ARHGEF10L: variants seen among roughly 807,000 people sequenced by gnomAD.
The protein encoded by ARHGEF10L is rho guanine nucleotide exchange factor 10-like protein.
A neutral mutation model predicts 141.2 loss-of-function variants in ARHGEF10L; 69 were observed. The ratio of observed to expected loss-of-function variants is 0.49; its 90% CI spans 0.40 to 0.60. The LOEUF is 0.60. ARHGEF10L is among the 20% of genes least tolerant of loss of function. The pLI is 0.00. For synonymous variants in ARHGEF10L, 711 were observed against 718.5 expected (o/e 0.99, Z 0.17); for missense variants, 1,482 against 1,734.3 (o/e 0.85, Z 2.58).
In ARHGEF10L at chr1:17,624,451, C is replaced by T. The variant is rs894243618; in HGVS notation, c.1265C>T (p.Ser422Phe). Residue 422 changes from serine (S) to phenylalanine (F), a missense_variant, in exon 13 of 29, where the codon TCC becomes TTC. Coordinates refer to ENST00000361221, the MANE Select transcript of ARHGEF10L (RefSeq NM_018125.4). Reference sequence around the variant, plus strand: ...GTGAACAACTTCACCAGTGCCATGTCCATCATCAAGAAGGCCTGCCTCACC... The same window carrying T: ...GTGAACAACTTCACCAGTGCCATGTTCATCATCAAGAAGGCCTGCCTCACC... ...DYVNNFTSAM[S>F]IIKKACLTKP... 17 of 1,614,120 alleles carry T rather than the reference C, an allele frequency of 1.1e-5. No homozygotes were observed. The highest frequency in any genetic ancestry group is 2.7e-5 in the African/African-American group (2 of 74,944).
chr1:17,560,420 C>G (rs1570468581), intron 1 of ARHGEF10L, among the ~76,000 whole-genome samples: 1 of 152,332 alleles, frequency 6.6e-6, no homozygotes, highest in Admixed American at 6.5e-5. Context: ...CTTTCTGGCT[C>G]CACTTTGCCT....
intron 26 of ARHGEF10L, among the ~76,000 whole-genome samples, chr1:17,671,750 A>C (rs2063335809): frequency 6.6e-6 from 1 of 152,182 alleles, no homozygotes; most frequent in Admixed American, 6.5e-5. Flanking sequence ...CACCACAGCT[A>C]CATGCTGACA....
intron 26 of ARHGEF10L, among the ~76,000 whole-genome samples, chr1:17,682,400 C>T (rs1438889366): frequency 6.6e-6 from 1 of 152,168 alleles, no homozygotes; most frequent in Non-Finnish European, 1.5e-5. Flanking sequence ...ATCACTGTGC[C>T]TGCCCCACCA....
At chr1:17,545,960 T>C (rs1420047854) in intron 1 of ARHGEF10L, among the ~76,000 whole-genome samples, 1 of 152,156 alleles carries the variant, frequency 6.6e-6, no homozygotes, top group African/African-American at 2.4e-5. Context: ...CTCAGAGGCA[T>C]GAATTATTGA....
chr1:17,609,298 C>G (rs1265299672), intron 7 of ARHGEF10L, among the ~76,000 whole-genome samples: 1 of 152,212 alleles, frequency 6.6e-6, no homozygotes, highest in Admixed American at 6.5e-5. Context: ...CTCCCTGAGT[C>G]CTGAGCAAGC....
intron 21 of ARHGEF10L, among the ~76,000 whole-genome samples, chr1:17,646,278 T>A (rs2061594768): frequency 6.6e-6 from 1 of 152,238 alleles, no homozygotes; most frequent in Admixed American, 6.5e-5. Context: ...AGGGCTGCTC[T>A]CAGGGTGGTC....
At chr1:17,661,092 G>A (rs2062595217) in intron 25 of ARHGEF10L, among the ~76,000 whole-genome samples, 1 of 152,108 alleles carries the variant, frequency 6.6e-6, no homozygotes, top group Non-Finnish European at 1.5e-5. Context: ...TGTCCCTTAT[G>A]AGCTTTTTTC....
chr1:17,613,249 C>G, intron 8 of ARHGEF10L, 75 bp downstream of exon 8: 1 of 1,283,390 alleles, frequency 7.8e-7, no homozygotes, highest in Middle Eastern at 1.9e-4. Context: ...GGTTTTCCTG[C>G]TGCCCTGGTA....
At chr1:17,676,307 G>A (rs575347531) in intron 26 of ARHGEF10L, among the ~76,000 whole-genome samples, 1 of 149,348 alleles carries the variant, frequency 6.7e-6, no homozygotes, top group Non-Finnish European at 1.5e-5. Context: ...GTAGATGCAG[G>A]TGTGGGTACA....
Position 17,627,211 on chromosome 1 carries a change from C to T in ARHGEF10L, c.1411-119C>T. The T allele has an allele frequency of 8.0e-7, 1 of 1,251,536 alleles. No individual in the cohort carries two copies. Among genetic ancestry groups the T allele is most frequent in the Admixed American group, 2.2e-5 (1 of 44,874 alleles). 77.5% of individuals were successfully genotyped at this position (1,251,536 alleles called of 1,614,324 possible). A position where few individuals can be genotyped will look rare whatever the true frequency, so the allele number is the denominator to read the frequency against. On this transcript the variant is annotated intron_variant, in intron 14 of 28. Transcript: ENST00000361221. This position sits in a 1 kb window ranked among gnomAD's most constrained non-coding sequence, Gnocchi z 4.0. ...CATCTGGTGCCATCTGTCCTGGCCT[C>T]AGGCCGGGCCCTTTGCAGACCCAGT...
chr1:17,606,323 T>A (rs2081167680), intron 6 of ARHGEF10L, among the ~76,000 whole-genome samples: 1 of 151,912 alleles, frequency 6.6e-6, no homozygotes, highest in South Asian at 2.1e-4. Flanking sequence ...AGATGTTGTC[T>A]CTCTCTGTCA....
At chr1:17,668,239 C>G (rs1485390539) in intron 26 of ARHGEF10L, among the ~76,000 whole-genome samples, 1 of 152,216 alleles carries the variant, frequency 6.6e-6, no homozygotes, top group African/African-American at 2.4e-5. Context: ...AAGCTGCTCC[C>G]GGGGTCGGTG....
rs2060352357 is a variant in ARHGEF10L, at chr1:17,625,849, C to T, written c.1318-107C>T. Reference sequence around the variant, plus strand: ...TTGCAAGCCCAGGGATAGGCAGGGTCTTAGGGCCTGGGGAGAGGAGCCCAG... The same window carrying T: ...TTGCAAGCCCAGGGATAGGCAGGGTTTTAGGGCCTGGGGAGAGGAGCCCAG... On this transcript the variant is annotated intron_variant, in intron 13 of 28. Transcript: ENST00000361221. The surrounding 1 kb of genome is among the most constrained non-coding windows in gnomAD (Gnocchi z 4.5). 4.2e-6 allele frequency: 4 copies of T among 945,648 alleles called. No individual in the cohort carries two copies. The South Asian group carries it at 5.9e-5, about 14-fold the overall frequency. The allele number at this position is 945,648 out of a possible 1,614,324, so 58.6% of individuals were successfully genotyped here.
the ARHGEF10L span, among the ~76,000 whole-genome samples, chr1:17,521,552 C>A: frequency 6.6e-6 from 1 of 152,380 alleles, no homozygotes; most frequent in African/African-American, 2.4e-5. Flanking sequence ...GCACTTACTT[C>A]ATGGCGAGCA....
intron 14 of ARHGEF10L, 108 bp downstream of exon 14, chr1:17,626,156 A>G (rs2060375204): frequency 1.2e-6 from 1 of 829,134 alleles, no homozygotes; most frequent in South Asian, 1.6e-5. Context: ...CGTGATCCAT[A>G]ACCCACCCAA....
intron 2 of ARHGEF10L, among the ~76,000 whole-genome samples, chr1:17,581,331 AAGAAAAG>A (rs1410136144): frequency 6.7e-5 from 10 of 150,350 alleles, no homozygotes; most frequent in African/African-American, 2.5e-4. Flanking sequence ...AAAAAAAAAA[AAGAAAAG>A]AGAAAAAGAA....
At chr1:17,626,392 C>T (rs564094716) in intron 14 of ARHGEF10L, among the ~76,000 whole-genome samples, 35 of 152,168 alleles carry the variant, frequency 2.3e-4, no homozygotes, top group Admixed American at 8.5e-4. Flanking sequence ...ATTTCAGATT[C>T]GAGCTTCAGA....
chr1:17,593,068 GA>G (rs2079712573), intron 4 of ARHGEF10L, among the ~76,000 whole-genome samples: 1 of 152,100 alleles, frequency 6.6e-6, no homozygotes. Context: ...GCCCTTTGAG[GA>G]CCCCCACAGC....
In ARHGEF10L at chr1:17,644,449, C is replaced by T. The variant is rs187511690; in HGVS notation, c.2273-4105C>T. 3.3e-5 allele frequency among the ~76,000 whole-genome samples: 5 copies of T among 152,338 alleles called. No individual in the cohort carries two copies. The highest frequency in any genetic ancestry group is 1.2e-4 in the African/African-American group (5 of 41,574). ...CCAGGAGTAGGGCCGAGGGCGTGGC[C>T]TTGGAGTCCGACCCTGGTTTTACCC... On this transcript the variant is annotated intron_variant, in intron 21 of 28. Transcript: ENST00000361221. This position sits in a 1 kb window ranked among gnomAD's most constrained non-coding sequence, Gnocchi z 4.5.
Sources: gnomAD v4.1 joint callset for allele counts (sites outside exome capture counted in the v4.1 genomes callset) on GRCh38, gnomAD v4.1.1 for gene constraint, Gnocchi (gnomAD v3.1) non-coding constraint, MANE v1.5 for transcripts, NCBI Gene and HGNC (gene_info 2026-07-23, HGNC 2026-07-21) for gene names.